The following ZNF846 variants were observed in gnomAD, a reference collection of about 807,000 sequenced individuals.
ZNF846 encodes zinc finger protein 846, also known as zinc finger protein 420 pseudogene.
In ZNF846, 15 loss-of-function variants were observed where a neutral mutation model predicts 16.0. The ratio of observed to expected loss-of-function variants is 0.94; its 90% CI spans 0.63 to 1.45. ZNF846 has a LOEUF of 1.45. Ranked by LOEUF, ZNF846 falls within the 40% of genes most tolerant of loss-of-function variation. The pLI is 0.00. For missense variants in ZNF846, 714 were observed against 622.3 expected, an observed-to-expected ratio of 1.15 and a Z score of -1.57; for synonymous variants, 229 against 212.0, an observed-to-expected ratio of 1.08 and a Z score of -0.70.
At chr19:9,755,593 G>A (rs2045125007), downstream of ZNF846, 1 of 150,154 alleles carries the variant, frequency 6.7e-6, no homozygotes, top group Non-Finnish European at 1.5e-5. Context: ...AAGGTCAGGA[G>A]ATCGAGACCA....
At chr19:9,765,923 CAA>C (rs1484394213) in intron 1 of ZNF846, among the ~76,000 whole-genome samples, 1 of 150,926 alleles carries the variant, frequency 6.6e-6, no homozygotes, top group African/African-American at 2.4e-5. Flanking sequence ...AATAAATAAA[CAA>C]ATAAATATAC....
chr19:9,765,262 C>T (rs1034031587), intron 1 of ZNF846, among the ~76,000 whole-genome samples: 2 of 152,192 alleles, frequency 1.3e-5, no homozygotes, highest in Admixed American at 6.5e-5. Context: ...GTAATCCTAG[C>T]TACTCGGGAG....
downstream of ZNF846, among the ~76,000 whole-genome samples, chr19:9,753,742 C>G (rs1299045549): frequency 6.6e-6 from 1 of 151,560 alleles, no homozygotes; most frequent in Non-Finnish European, 1.5e-5. Context: ...TTTTTCATTT[C>G]TTGTTTCATT....
chr19:9,762,242 C>A (rs553394015), intron 3 of ZNF846, 74 bp from the exon 4 acceptor site: 3 of 1,170,340 alleles, frequency 2.6e-6, no homozygotes, highest in East Asian at 4.7e-5. Context: ...GGAACCAATA[C>A]TTTTGCCTTC....
downstream of ZNF846, chr19:9,756,345 G>GTATATATATATATATATATATA (rs369347660): frequency 2.4e-5 from 2 of 81,776 alleles, no homozygotes; most frequent in African/African-American, 1.2e-4. Context: ...GTGTGTGTGT[G>GTATATATATATATATATATATA]TATATATATA....
chr19:9,764,887 T>C (rs1274299677), intron 2 of ZNF846, 49 bp downstream of exon 2: 7 of 1,610,200 alleles, frequency 4.3e-6, no homozygotes, highest in Admixed American at 1.7e-5. Context: ...AGGCTACCGA[T>C]GATGGCTACA....
At chr19:9,759,296 G>A (rs2045184256) in intron 5 of ZNF846, among the ~76,000 whole-genome samples, 1 of 150,452 alleles carries the variant, frequency 6.6e-6, no homozygotes, top group Admixed American at 6.6e-5. Flanking sequence ...CAATACATCT[G>A]AGAATTATTT....
At chr19:9,778,035 G>A (rs531667900) in intron 1 of ZNF846, among the ~76,000 whole-genome samples, 2 of 151,966 alleles carry the variant, frequency 1.3e-5, no homozygotes, top group South Asian at 4.2e-4. Flanking sequence ...AAATCTCAAG[G>A]CACACAAACA....
intron 4 of ZNF846, 66 bp downstream of exon 4, chr19:9,762,016 A>G (rs1568323588): frequency 7.4e-7 from 1 of 1,359,366 alleles, no homozygotes; most frequent in East Asian, 2.3e-5. Context: ...TAACATTTCC[A>G]ATGTACTGCA....
chr19:9,755,791 C>T (rs1394265533), downstream of ZNF846, among the ~76,000 whole-genome samples: 1 of 77,682 alleles, frequency 1.3e-5, no homozygotes, highest in African/African-American at 5.6e-5. Flanking sequence ...CAGAGCGAGA[C>T]TCCGTCTCAA....
At chr19:9,764,150 G>T (rs1372293490) in intron 2 of ZNF846, among the ~76,000 whole-genome samples, 2 of 152,030 alleles carry the variant, frequency 1.3e-5, no homozygotes, top group Non-Finnish European at 2.9e-5. Flanking sequence ...ACAGATGCAT[G>T]GGGGGTGCCT....
downstream of ZNF846, among the ~76,000 whole-genome samples, chr19:9,754,859 A>G (rs1005375812): frequency 1.3e-5 from 2 of 148,828 alleles, no homozygotes; most frequent in Non-Finnish European, 3.0e-5. Flanking sequence ...TGTAGTTACC[A>G]TGGGGATTTT....
At chr19:9,783,943 T>C (rs1404302038) in intron 1 of ZNF846, among the ~76,000 whole-genome samples, 1 of 152,160 alleles carries the variant, frequency 6.6e-6, no homozygotes, top group Non-Finnish European at 1.5e-5. Context: ...GCTCAAGCGA[T>C]CTGCCCGCTT....
At chr19:9,770,969 A>T (rs557650084), upstream of ZNF846, among the ~76,000 whole-genome samples, 56 of 152,130 alleles carry the variant, frequency 3.7e-4, no homozygotes, top group Non-Finnish European at 6.5e-4. Context: ...TTATTTATTT[A>T]TTTTTTATTT....
intron 1 of ZNF846, among the ~76,000 whole-genome samples, chr19:9,765,326 C>A (rs754020657): frequency 5.1e-4 from 77 of 151,602 alleles, no homozygotes; most frequent in Non-Finnish European, 9.6e-4. Flanking sequence ...GGTGAGCCGA[C>A]ACCATGCCAC....
At chr19:9,763,144 C>CA (rs60184154) in intron 3 of ZNF846, 138 bp downstream of exon 3, 37,000 of 556,692 alleles carry the variant, frequency 0.066, no homozygotes, top group East Asian at 0.094. Flanking sequence ...GACTGTGTCT[C>CA]AAAAAAAAAA....
chr19:9,757,864 TA>T lies in ZNF846; in HGVS notation c.1212del (p.Asn404LysfsTer10). On this transcript the variant is annotated frameshift_variant, in exon 6 of 6. Coordinates refer to ENST00000397902, the Ensembl canonical transcript of ZNF846. LOFTEE classifies it low-confidence loss of function (END_TRUNC). ...ACATGTTGACTAAGCATTGAGGAAT[TA>T]TTAAAGGCTTTCCCACATTCTTTAC... 6.2e-7 allele frequency: 1 copy of T among 1,611,180 alleles called. No individual in the cohort carries two copies. The highest frequency in any genetic ancestry group is 8.5e-7 in the Non-Finnish European group (1 of 1,178,466).
At chr19:9,758,501 G>T in exon 6 of ZNF846, 1 of 1,613,598 alleles carries the variant, frequency 6.2e-7, no homozygotes, top group Non-Finnish European at 8.5e-7. Flanking sequence ...TCTCTTGTGT[G>T]TGAGTTTTAT....
chr19:9,762,366 A>G (rs182948402), intron 3 of ZNF846, 198 bp from the exon 4 acceptor site: 1 of 507,584 alleles, frequency 2.0e-6, no homozygotes, highest in East Asian at 3.6e-5. Context: ...GCCCAGGTAT[A>G]ATGGCTCATG....
Sources: allele counts gnomAD v4.1 joint callset (sites outside exome capture counted in the v4.1 genomes callset), GRCh38; gene constraint gnomAD v4.1.1; transcripts MANE v1.5; gene names NCBI Gene and HGNC (gene_info 2026-07-23, HGNC 2026-07-21).